The following MACROD2 variants were observed in gnomAD, a reference collection of about 807,000 sequenced individuals.
MACROD2 encodes ADP-ribose glycohydrolase MACROD2.
A neutral mutation model predicts 70.4 loss-of-function variants in MACROD2; 36 were observed. That is an observed-to-expected ratio of 0.51 (90% CI 0.39 to 0.68). MACROD2 has a LOEUF of 0.68. Among genes scored for constraint, MACROD2 ranks in the 30% least tolerant of loss-of-function variants. The pLI is 0.00. For missense variants in MACROD2, 496 were observed against 538.4 expected, an observed-to-expected ratio of 0.92 and a Z score of 0.78; for synonymous variants, 172 against 178.8, an observed-to-expected ratio of 0.96 and a Z score of 0.30.
At chr20:15,927,689 A>G (rs914636424) in intron 10 of MACROD2, among the ~76,000 whole-genome samples, 12 of 152,208 alleles carry the variant, frequency 7.9e-5, no homozygotes, top group African/African-American at 2.7e-4. Flanking sequence ...CTGCACTAAA[A>G]GATGCACATG....
At position 15,987,052 on chromosome 20, in the gene MACROD2, C is replaced by A; in HGVS notation, c.1061-14C>A. 1.3e-6 allele frequency: 2 copies of A among 1,598,734 alleles called. No individual in the cohort carries two copies. Among genetic ancestry groups the A allele is most frequent in the African/African-American group, 2.7e-5 (2 of 74,100 alleles). On this transcript the variant is annotated splice_polypyrimidine_tract_variant and intron_variant, in intron 14 of 17. Coordinates refer to ENST00000684519, the MANE Select transcript of MACROD2 (RefSeq NM_001351661.2). ...AAAACAACCCTGAGTGTCCATCTGT[C>A]TCATTCTATTTAGAACTTTCATCAA...
chr20:15,359,108 A>G (rs2078322604), intron 6 of MACROD2, among the ~76,000 whole-genome samples: 1 of 152,208 alleles, frequency 6.6e-6, no homozygotes, highest in South Asian at 2.1e-4. Flanking sequence ...TCACTTAGAA[A>G]AACTATACAG....
intron 4 of MACROD2, among the ~76,000 whole-genome samples, chr20:14,500,764 G>A (rs1474281990): frequency 6.6e-6 from 1 of 152,162 alleles, no homozygotes; most frequent in East Asian, 1.9e-4. Context: ...GAACCTCCCT[G>A]TTGAAAGGGC....
chr20:15,762,090 G>T (rs1051649381), intron 8 of MACROD2, among the ~76,000 whole-genome samples: 2 of 152,154 alleles, frequency 1.3e-5, no homozygotes, highest in African/African-American at 4.8e-5. Context: ...TTTGACAGAT[G>T]ATAGAATAAA....
intron 5 of MACROD2, among the ~76,000 whole-genome samples, chr20:14,805,629 G>C (rs1348272481): frequency 2.0e-5 from 3 of 151,978 alleles, no homozygotes; most frequent in Non-Finnish European, 2.9e-5. Context: ...ACAGAGCCAG[G>C]GTTCAAATCT....
chr20:15,597,947 T>G (rs2048767669), intron 8 of MACROD2, among the ~76,000 whole-genome samples: 1 of 152,118 alleles, frequency 6.6e-6, no homozygotes, highest in Non-Finnish European at 1.5e-5. Context: ...GGCGTGGTGG[T>G]GGGTGCCTGT....
At chr20:16,048,869 A>G (rs2067419704) in intron 17 of MACROD2, among the ~76,000 whole-genome samples, 1 of 152,368 alleles carries the variant, frequency 6.6e-6, no homozygotes, top group Admixed American at 6.5e-5. Context: ...CACATAGCAG[A>G]TATGCTCACA....
chr20:15,436,864 A>G (rs1329293581), intron 7 of MACROD2, among the ~76,000 whole-genome samples: 3 of 152,146 alleles, frequency 2.0e-5, no homozygotes, highest in Non-Finnish European at 2.9e-5. Flanking sequence ...TTTTAGAATC[A>G]TTTCCTGGTG....
intron 4 of MACROD2, among the ~76,000 whole-genome samples, chr20:14,644,519 C>A (rs1985272725): frequency 6.6e-6 from 1 of 151,980 alleles, no homozygotes; most frequent in African/African-American, 2.4e-5. Flanking sequence ...TTTTTTTGTC[C>A]CACTGTCTCA....
chr20:15,999,179 A>G (rs1353835677), intron 15 of MACROD2, among the ~76,000 whole-genome samples: 2 of 152,064 alleles, frequency 1.3e-5, no homozygotes, highest in African/African-American at 2.4e-5. Context: ...AAGTTTTGTT[A>G]TATGGTGTTT....
intron 3 of MACROD2, among the ~76,000 whole-genome samples, chr20:14,152,941 C>A (rs2055045534): frequency 6.6e-6 from 1 of 152,208 alleles, no homozygotes; most frequent in Non-Finnish European, 1.5e-5. Flanking sequence ...TGTTGACAAC[C>A]TTTTAATGTT....
rs573835347 is a variant in MACROD2, at chr20:14,225,655, T to C, written c.271+139927T>C. Among the ~76,000 whole-genome samples the C allele has an allele frequency of 2.0e-5, 3 of 152,346 alleles. No individual in the cohort carries two copies. The East Asian group carries it at 5.8e-4, about 29-fold the overall frequency. Reference sequence around the variant, plus strand: ...TGTAGTTTGCTAAGGTAGAAACTTCTTGATTTCAGTACAATTATAACTGAC... The same window carrying C: ...TGTAGTTTGCTAAGGTAGAAACTTCCTGATTTCAGTACAATTATAACTGAC... On this transcript the variant is annotated intron_variant, in intron 3 of 17. Transcript: ENST00000684519.
chr20:14,893,950 A>G (rs1250785891), intron 5 of MACROD2: 1 of 151,666 alleles, frequency 6.6e-6, no homozygotes, highest in African/African-American at 2.4e-5. Flanking sequence ...ATTTCTGGCA[A>G]ATTATTAAAT....
At chr20:15,153,208 A>G (rs375607842) in intron 5 of MACROD2, among the ~76,000 whole-genome samples, 2 of 151,942 alleles carry the variant, frequency 1.3e-5, no homozygotes, top group African/African-American at 4.8e-5. Context: ...CAACGAGGCT[A>G]TTTATTTCAC....
Position 14,797,930 on chromosome 20 carries a change from A to G in MACROD2, c.418+112971A>G, listed in dbSNP as rs184104478. ...CGGAGAAACATAAGGCTGACTCTGC[A>G]TCTTATTACCAAGACTGGAAAAAAC... On this transcript the variant is annotated intron_variant, in intron 5 of 17. Transcript: ENST00000684519. Among the ~76,000 whole-genome samples the G allele has an allele frequency of 5.3e-5, 8 of 152,228 alleles. No homozygotes were observed. The South Asian group carries it at 6.2e-4, about 12-fold the overall frequency.
At chr20:14,163,132 G>C (rs2055214891) in intron 3 of MACROD2, among the ~76,000 whole-genome samples, 1 of 152,050 alleles carries the variant, frequency 6.6e-6, no homozygotes, top group South Asian at 2.1e-4. Context: ...TTGGAGGATG[G>C]GTCTAGTGAT....
chr20:14,573,238 T>C (rs1433222854), intron 4 of MACROD2, among the ~76,000 whole-genome samples: 1 of 152,140 alleles, frequency 6.6e-6, no homozygotes, highest in Non-Finnish European at 1.5e-5. Context: ...TAGTAATACC[T>C]AAGACTTTAT....
chr20:14,277,413 A>G (rs913906744), intron 3 of MACROD2, among the ~76,000 whole-genome samples: 1 of 152,242 alleles, frequency 6.6e-6, no homozygotes, highest in African/African-American at 2.4e-5. Flanking sequence ...ACTGCACTCC[A>G]GCGTGGTGAC....
At chr20:15,696,686 T>G (rs1289314625) in intron 8 of MACROD2, among the ~76,000 whole-genome samples, 3 of 150,830 alleles carry the variant, frequency 2.0e-5, no homozygotes, top group African/African-American at 7.3e-5. Flanking sequence ...GAGTTTTTTT[T>G]TTTTTTTTTT....
Sources: gnomAD v4.1 joint callset for allele counts (sites outside exome capture counted in the v4.1 genomes callset) on GRCh38, gnomAD v4.1.1 for gene constraint, MANE v1.5 for transcripts, NCBI Gene and HGNC (gene_info 2026-07-23, HGNC 2026-07-21) for gene names.